Variants in CFAP299 observed in about 807,000 individuals in gnomAD.
CFAP299 encodes cilia- and flagella-associated protein 299.
A neutral mutation model predicts 27.0 loss-of-function variants in CFAP299; 21 were observed. The ratio of observed to expected loss-of-function variants is 0.78; its 90% CI spans 0.55 to 1.12. CFAP299 has a LOEUF of 1.12. Among genes scored for constraint, CFAP299 ranks in the 50% most tolerant of loss-of-function variants. The probability of loss-of-function intolerance (pLI) is 0.00; values close to 1 mark genes in which losing one functional copy is unlikely to be tolerated. For synonymous variants in CFAP299, 104 were observed against 98.1 expected (o/e 1.06, Z -0.36); for missense variants, 310 against 276.6 (o/e 1.12, Z -0.86).
At chr4:80,670,119 C>T (rs569687858) in intron 3 of CFAP299, among the ~76,000 whole-genome samples, 9 of 152,076 alleles carry the variant, frequency 5.9e-5, no homozygotes, top group South Asian at 4.1e-4. Flanking sequence ...GGTATTTCTC[C>T]TAATGCTATC....
In CFAP299 at chr4:80,591,104, A is replaced by ATTTTTTTTTTTTTTTTTTTTTTTT. The variant is rs1339201630; in HGVS notation, c.333+7921_333+7922insTTTTTTTTTTTTTTTTTTTTTTTT. On this transcript the variant is annotated intron_variant, in intron 3 of 5. Transcript: ENST00000358105. Reference sequence around the variant, plus strand: ...AGAAACAGATTATAATACTTTAGGAAATTTTTTTTTTTTTTTTTTTTTTTT... The same window carrying ATTTTTTTTTTTTTTTTTTTTTTTT: ...AGAAACAGATTATAATACTTTAGGAATTTTTTTTTTTTTTTTTTTTTTTTATTTTTTTTTTTTTTTTTTTTTTTT... Among the ~76,000 whole-genome samples, 11 of 116,496 alleles carry ATTTTTTTTTTTTTTTTTTTTTTTT rather than the reference A, an allele frequency of 9.4e-5. 3 individuals are homozygous for ATTTTTTTTTTTTTTTTTTTTTTTT. Among genetic ancestry groups the ATTTTTTTTTTTTTTTTTTTTTTTT allele is most frequent in the South Asian group, 3.1e-4 (1 of 3,208 alleles). The allele number at this position is 116,496 out of a possible 152,430, so 76.4% of individuals were successfully genotyped here. A position where few individuals can be genotyped will look rare whatever the true frequency, so the allele number is the denominator to read the frequency against.
chr4:80,467,361 C>T (rs1729758350), intron 2 of CFAP299, among the ~76,000 whole-genome samples: 1 of 152,154 alleles, frequency 6.6e-6, no homozygotes, highest in Admixed American at 6.5e-5. Flanking sequence ...CTTACAACTT[C>T]CTAAAATGCA....
intron 2 of CFAP299, among the ~76,000 whole-genome samples, chr4:80,511,677 A>C (rs1732310397): frequency 6.6e-6 from 1 of 152,152 alleles, no homozygotes; most frequent in Non-Finnish European, 1.5e-5. Context: ...ATGTTATTAA[A>C]GGCCAGAATC....
rs1346016958 is a variant in CFAP299 at position 80,730,274 on chromosome 4, GTGTGTA to G, written c.334-139713_334-139708del. Among the ~76,000 whole-genome samples the G allele has an allele frequency of 3.8e-3, 566 of 148,786 alleles. 4 individuals carry two copies. Among genetic ancestry groups the G allele is most frequent in the African/African-American group, 0.013 (515 of 39,656 alleles). ...TGTGTGTGTGTGTGTGTGTGTGTGT[GTGTGTA>G]TGTGTGTGTGTGTGTGTGTATGACC... On this transcript the variant is annotated intron_variant, in intron 3 of 5. Transcript: ENST00000358105.
intron 2 of CFAP299, among the ~76,000 whole-genome samples, chr4:80,433,621 T>A (rs552617406): frequency 6.6e-6 from 1 of 152,280 alleles, no homozygotes; most frequent in East Asian, 1.9e-4. Context: ...TAATTATAGG[T>A]CACATGTAAT....
chr4:80,907,813 G>A (rs56114939), intron 4 of CFAP299, among the ~76,000 whole-genome samples: 18,566 of 152,064 alleles, frequency 0.12, 2,373 homozygotes, highest in African/African-American at 0.32. Flanking sequence ...GCCAAACTTT[G>A]TCAGTTCTCG....
chr4:80,580,688 T>C (rs1050803461), intron 2 of CFAP299, among the ~76,000 whole-genome samples: 5 of 152,054 alleles, frequency 3.3e-5, no homozygotes, highest in Admixed American at 1.3e-4. Flanking sequence ...CCTTTGTTGG[T>C]TATGCTATAG....
chr4:80,360,271 G>A (rs1377117842), intron 1 of CFAP299, among the ~76,000 whole-genome samples: 3 of 152,314 alleles, frequency 2.0e-5, no homozygotes, highest in African/African-American at 7.2e-5. Context: ...CCTCTCTGCA[G>A]GCACTCACCA....
At chr4:80,869,849 C>G in intron 3 of CFAP299, 144 bp from the exon 4 acceptor site, 1 of 704,982 alleles carries the variant, frequency 1.4e-6, no homozygotes, top group Non-Finnish European at 2.2e-6. Flanking sequence ...GAAAAAGAAG[C>G]TGTTCAATGT....
intron 2 of CFAP299, among the ~76,000 whole-genome samples, chr4:80,487,881 G>A (rs1011371908): frequency 6.6e-6 from 1 of 152,130 alleles, no homozygotes; most frequent in African/African-American, 2.4e-5. Flanking sequence ...ATTAGTCATC[G>A]ATGGGAATAT....
At chr4:80,377,013 A>T (rs1560536774) in intron 2 of CFAP299, among the ~76,000 whole-genome samples, 3 of 152,004 alleles carry the variant, frequency 2.0e-5, no homozygotes, top group South Asian at 2.1e-4. Context: ...TCCAGTTACA[A>T]TTTTTTCATC....
intron 3 of CFAP299, among the ~76,000 whole-genome samples, chr4:80,795,842 A>C (rs1273537949): frequency 1.3e-5 from 2 of 152,078 alleles, no homozygotes; most frequent in African/African-American, 4.8e-5. Context: ...CTGTCTCTCA[A>C]ATAAGAGTAG....
chr4:80,626,822 T>C lies in CFAP299; in HGVS notation c.333+43639T>C, dbSNP rs1304828174. ...GACATAAAAAATCTTTACAGACCAA[T>C]AACCAGTAAAAAGATTGAATCAGCA... On this transcript the variant is annotated intron_variant, in intron 3 of 5. Coordinates refer to ENST00000358105, the MANE Select transcript of CFAP299 (RefSeq NM_152770.3). Among the ~76,000 whole-genome samples the C allele has an allele frequency of 2.0e-5, 3 of 151,716 alleles. No homozygotes were observed. In the East Asian group the frequency reaches 5.8e-4, roughly 29 times the overall value.
chr4:80,783,343 A>AG (rs1727042342), intron 3 of CFAP299, among the ~76,000 whole-genome samples: 1 of 152,140 alleles, frequency 6.6e-6, no homozygotes, highest in South Asian at 2.1e-4. Context: ...GAATACTAGC[A>AG]GGCAGGGACC....
intron 3 of CFAP299, among the ~76,000 whole-genome samples, chr4:80,737,941 G>A (rs150918322): frequency 6.6e-6 from 1 of 152,046 alleles, no homozygotes; most frequent in East Asian, 1.9e-4. Flanking sequence ...ATTATCACTT[G>A]TTTCCAAAAA....
At chr4:80,800,286 T>C (rs1022564622) in intron 3 of CFAP299, among the ~76,000 whole-genome samples, 2 of 74,750 alleles carry the variant, frequency 2.7e-5, no homozygotes, top group African/African-American at 1.1e-4. Context: ...TAATATATAA[T>C]ATATTAATAT....
At chr4:80,815,674 G>T (rs1729384972) in intron 3 of CFAP299, among the ~76,000 whole-genome samples, 1 of 152,044 alleles carries the variant, frequency 6.6e-6, no homozygotes, top group Non-Finnish European at 1.5e-5. Context: ...TCATCAATTT[G>T]TTATAAGCAT....
intron 4 of CFAP299, among the ~76,000 whole-genome samples, chr4:80,921,929 C>T (rs1736066736): frequency 6.6e-6 from 1 of 151,886 alleles, no homozygotes; most frequent in Non-Finnish European, 1.5e-5. Context: ...GAGTCTAAAA[C>T]ATGGATGTCT....
At chr4:80,529,665 A>C (rs747072619) in intron 2 of CFAP299, among the ~76,000 whole-genome samples, 2 of 152,110 alleles carry the variant, frequency 1.3e-5, no homozygotes, top group Non-Finnish European at 1.5e-5. Flanking sequence ...TTTAATTTCT[A>C]TTTTATTTTC....
Sources: gnomAD v4.1 joint callset for allele counts (sites outside exome capture counted in the v4.1 genomes callset) on GRCh38, gnomAD v4.1.1 for gene constraint, MANE v1.5 for transcripts, NCBI Gene and HGNC (gene_info 2026-07-23, HGNC 2026-07-21) for gene names.